The following ACADM variants were observed in gnomAD, a reference collection of about 807,000 sequenced individuals.
ACADM encodes acyl-CoA dehydrogenase medium chain.
Under a neutral mutation model 58.9 loss-of-function variants are expected in ACADM, and 49 were observed. The ratio of observed to expected loss-of-function variants is 0.83; its 90% confidence interval spans 0.66 to 1.06. The LOEUF is 1.06. Ranked by LOEUF, ACADM falls within the 50% of genes least tolerant of loss-of-function variation. ACADM has a pLI of 0.00. For missense variants in ACADM, 496 were observed against 507.0 expected (o/e 0.98, Z 0.21); for synonymous variants, 160 against 157.7 (o/e 1.01, Z -0.11).
intron 9 of ACADM, 34 bp downstream of exon 9, chr1:75,749,593 C>CTTTTATTT (rs753924802): frequency 1.3e-6 from 2 of 1,576,614 alleles, no homozygotes; most frequent in South Asian, 2.3e-5. Context: ...TTTATAGGAT[C>CTTTTATTT]TTTTATTTAT....
At position 75,751,480 on chromosome 1, in the gene ACADM, TC is replaced by T. The variant is rs1345651750; in HGVS notation, c.945+936del. On this transcript the variant is annotated intron_variant, in intron 10 of 11. Transcript: ENST00000370841. Reference sequence around the variant, plus strand: ...GGCCACACAATTTATAAGTCACAGATCCAGGATCCTTGCTTTTTTTTTTTTG... The same window carrying T: ...GGCCACACAATTTATAAGTCACAGATCAGGATCCTTGCTTTTTTTTTTTTG... Among the ~76,000 whole-genome samples, 7 of 149,464 alleles carry T rather than the reference TC, an allele frequency of 4.7e-5. No individual in the cohort carries two copies. The East Asian group carries it at 1.4e-3, about 29-fold the overall frequency.
At chr1:75,746,801 G>T (rs2100411045) in intron 8 of ACADM, among the ~76,000 whole-genome samples, 1 of 152,068 alleles carries the variant, frequency 6.6e-6, no homozygotes, top group South Asian at 2.1e-4. Flanking sequence ...GTTGTGCTGT[G>T]TTGCCCAGGC....
intron 2 of ACADM, among the ~76,000 whole-genome samples, chr1:75,729,185 T>A (rs1476453760): frequency 6.6e-6 from 1 of 151,456 alleles, no homozygotes; most frequent in Non-Finnish European, 1.5e-5. Flanking sequence ...TTATTTTTTT[T>A]ATTATTTGTT....
chr1:75,745,922 A>C lies in ACADM; in HGVS notation c.708+8A>C, dbSNP rs372454296. On this transcript the variant is annotated splice_region_variant and intron_variant, in intron 8 of 11. Transcript: ENST00000370841. ...ATTCAGATTGGGAGAAAGGTAAAGT[A>C]TTTATTAATGATTAGGGCCCCAAAT... 2 of 1,581,876 alleles carry C rather than the reference A, an allele frequency of 1.3e-6. No homozygotes were observed. Among genetic ancestry groups the C allele is most frequent in the Non-Finnish European group, 1.7e-6 (2 of 1,150,878 alleles).
chr1:75,753,396 TTC>T lies in ACADM; in HGVS notation c.945+2852_945+2853del, dbSNP rs572711366. ...TTCCTTTTTAGAGGCACTTAGAGAT[TTC>T]TGTTTCTTTCCTATGAGCTTTTTTT... On this transcript the variant is annotated intron_variant, in intron 10 of 11. Coordinates refer to ENST00000370841, the MANE Select transcript of ACADM (RefSeq NM_000016.6). Among the ~76,000 whole-genome samples the T allele has an allele frequency of 1.6e-3, 236 of 152,154 alleles. 2 individuals are homozygous for T. Among genetic ancestry groups the T allele is most frequent in the African/African-American group, 5.4e-3 (225 of 41,556 alleles).
intron 7 of ACADM, among the ~76,000 whole-genome samples, chr1:75,745,316 A>G (rs1647832966): frequency 6.6e-6 from 1 of 152,078 alleles, no homozygotes; most frequent in African/African-American, 2.4e-5. Context: ...GTGAGACTTC[A>G]TCCCTACAAA....
chr1:75,729,431 C>T (rs1379515109), intron 2 of ACADM, among the ~76,000 whole-genome samples: 1 of 148,098 alleles, frequency 6.8e-6, no homozygotes, highest in African/African-American at 2.5e-5. Flanking sequence ...GCTACTGCAC[C>T]CAGACCAAAT....
rs780817518 is a variant in ACADM at position 75,749,433 on chromosome 1, C to T, written c.723C>T (p.Gly241=). Residue 241 remains glycine, a synonymous_variant, in exon 9 of 12, where the codon GGC becomes GGT. Coordinates refer to ENST00000370841, the MANE Select transcript of ACADM (RefSeq NM_000016.6). ...TTTCTTATTAGGAATTAAACATGGG[C>T]CAGCGATGTTCAGATACTAGAGGAA... ...IQIGRKELNM[G]QRCSDTRGIV... is the part of the protein sequence containing the mutation. The T allele has an allele frequency of 1.9e-6, 3 of 1,613,844 alleles. No homozygotes were observed. The South Asian group carries it at 3.3e-5, about 18-fold the overall frequency.
At chr1:75,750,676 A>C in intron 10 of ACADM, 130 bp downstream of exon 10, 1 of 741,084 alleles carries the variant, frequency 1.3e-6, no homozygotes, top group Admixed American at 2.0e-5. Context: ...TGGTTTTATC[A>C]AGATGAGTTT....
chr1:75,762,892 AT>A lies in ACADM; in HGVS notation c.*131del. Reference sequence around the variant, plus strand: ...TTATATTAAATCTAAGCAACTGCTTATTATAGTAGTTTATACTTTTGCTTAA... The same window carrying A: ...TTATATTAAATCTAAGCAACTGCTTATATAGTAGTTTATACTTTTGCTTAA... On this transcript the variant is annotated 3_prime_UTR_variant, in exon 12 of 12. Coordinates refer to ENST00000370841, the MANE Select transcript of ACADM (RefSeq NM_000016.6). 1 of 632,762 alleles carries A rather than the reference AT, an allele frequency of 1.6e-6. No individual in the cohort carries two copies. Among genetic ancestry groups the A allele is most frequent in the Non-Finnish European group, 2.8e-6 (1 of 354,910 alleles). 39.2% of individuals were successfully genotyped at this position (632,762 alleles called of 1,614,324 possible).
At chr1:75,758,538 C>T (rs1004852491) in intron 10 of ACADM, among the ~76,000 whole-genome samples, 1 of 152,126 alleles carries the variant, frequency 6.6e-6, no homozygotes, top group African/African-American at 2.4e-5. Context: ...CTTCCTGGGT[C>T]GAGTGGGGAC....
intron 10 of ACADM, among the ~76,000 whole-genome samples, chr1:75,754,310 TG>T (rs1207107239): frequency 1.3e-5 from 2 of 150,870 alleles, no homozygotes; most frequent in Non-Finnish European, 1.5e-5. Context: ...GGGGTTCAAG[TG>T]ATTCTCCTGC....
At chr1:75,741,874 T>C (rs1439551604) in intron 7 of ACADM, among the ~76,000 whole-genome samples, 4 of 152,226 alleles carry the variant, frequency 2.6e-5, no homozygotes, top group Non-Finnish European at 4.4e-5. Context: ...TTTTTTCTTA[T>C]GTTGCACTTC....
At chr1:75,751,296 C>T (rs1405280087) in intron 10 of ACADM, among the ~76,000 whole-genome samples, 4 of 151,298 alleles carry the variant, frequency 2.6e-5, no homozygotes, top group African/African-American at 7.3e-5. Flanking sequence ...GCCAAGATCA[C>T]GCCACTGCAC....
At chr1:75,745,489 A>G (rs1045649949) in intron 7 of ACADM, 3 of 278,296 alleles carry the variant, frequency 1.1e-5, no homozygotes, top group Non-Finnish European at 2.1e-5. Context: ...TTGTCTAAAA[A>G]AAAAAAGTTA....
At chr1:75,755,892 C>T (rs956783294) in intron 10 of ACADM, among the ~76,000 whole-genome samples, 2 of 152,154 alleles carry the variant, frequency 1.3e-5, no homozygotes, top group Non-Finnish European at 2.9e-5. Context: ...TCAGCTTTCT[C>T]CCTGGGATGC....
intron 7 of ACADM, chr1:75,743,616 G>T (rs1026900537): frequency 5.7e-5 from 89 of 1,553,080 alleles, no homozygotes; most frequent in Non-Finnish European, 7.6e-5. Flanking sequence ...CAGACAGGGG[G>T]GTTGATAATG....
intron 2 of ACADM, among the ~76,000 whole-genome samples, chr1:75,729,629 G>T (rs1307491350): frequency 6.6e-6 from 1 of 151,538 alleles, no homozygotes; most frequent in East Asian, 1.9e-4. Context: ...GAGTAGCTGG[G>T]ACTACAGGTG....
chr1:75,728,212 G>A (rs1647085961), intron 1 of ACADM, among the ~76,000 whole-genome samples, 189 bp from the exon 2 acceptor site: 1 of 152,078 alleles, frequency 6.6e-6, no homozygotes, highest in African/African-American at 2.4e-5. Flanking sequence ...CATCTCCTCT[G>A]TAATAGGAAT....
Sources: gnomAD v4.1 joint callset for allele counts (sites outside exome capture counted in the v4.1 genomes callset) on GRCh38, gnomAD v4.1.1 for gene constraint, MANE v1.5 for transcripts, NCBI Gene and HGNC (gene_info 2026-07-23, HGNC 2026-07-21) for gene names.